Variants in NDEL1 observed in about 807,000 individuals in gnomAD.
The protein encoded by NDEL1 is nudE neurodevelopment protein 1 like 1.
Under a neutral mutation model 45.7 loss-of-function variants are expected in NDEL1, and 9 were observed. The ratio of observed to expected loss-of-function variants is 0.20; its 90% CI spans 0.12 to 0.34. The LOEUF is 0.34. NDEL1 is among the 10% of genes least tolerant of loss of function. The pLI is 1.00. For synonymous variants in NDEL1, 133 were observed against 158.6 expected (o/e 0.84, Z 1.21); for missense variants, 306 against 406.2 (o/e 0.75, Z 2.12).
chr17:8,471,612 A>G (rs1352771530), downstream of NDEL1, among the ~76,000 whole-genome samples: 1 of 152,184 alleles, frequency 6.6e-6, no homozygotes, highest in African/African-American at 2.4e-5. Context: ...TGGGCTGCTT[A>G]GTCTCAGTAG....
intron 7 of NDEL1, 21 bp downstream of exon 7, chr17:8,454,908 A>T (rs1344398992): frequency 6.4e-7 from 1 of 1,563,914 alleles, no homozygotes; most frequent in Admixed American, 1.7e-5. Context: ...ATTATTTATC[A>T]CTAGGTGTTT....
At chr17:8,443,355 C>G (rs1383247157) in intron 1 of NDEL1, among the ~76,000 whole-genome samples, 2 of 152,134 alleles carry the variant, frequency 1.3e-5, no homozygotes, top group African/African-American at 4.8e-5. Flanking sequence ...GCAAGAAAAC[C>G]TCTCTGGAAA....
At chr17:8,455,054 T>C (rs1910741494) in intron 7 of NDEL1, among the ~76,000 whole-genome samples, 167 bp downstream of exon 7, 1 of 152,210 alleles carries the variant, frequency 6.6e-6, no homozygotes. Context: ...TGACACTTCA[T>C]GATGCCCCTG....
At position 8,467,032 on chromosome 17, in the gene NDEL1, C is replaced by T. The variant is rs752345403; in HGVS notation, c.*9C>T. On this transcript the variant is annotated 3_prime_UTR_variant, in exon 9 of 9. Transcript: ENST00000334527. This position sits in a 1 kb window ranked among gnomAD's most constrained non-coding sequence, Gnocchi z 6.3. ...TGCCTCTCAGTGTGTGAGTGCCTAG[C>T]CTCCAGGTGGGGGCTCCTGCCCTCC... is the stretch of plus-strand genomic sequence containing the variant. The T allele has an allele frequency of 5.9e-5, 95 of 1,613,674 alleles. 3 individuals are homozygous for T. The South Asian group carries it at 6.4e-4, about 11-fold the overall frequency.
Position 8,421,881 on chromosome 17 carries a change from G to A in NDEL1, c.-13+8612G>A, listed in dbSNP as rs145156220. 7.7e-3 allele frequency among the ~76,000 whole-genome samples: 1,180 copies of A among 152,276 alleles called. 10 individuals carry two copies. Among genetic ancestry groups the A allele is most frequent in the Middle Eastern group, 0.014 (4 of 294 alleles). ...GAGAGGAAGGGCTCTCTGCTCCACC[G>A]GGATGGTGCTTGGCTAGATGTCAGG... On this transcript the variant is annotated intron_variant, in intron 1 of 4. Transcript: ENST00000582812.
At chr17:8,453,307 A>T (rs560668189) in intron 6 of NDEL1, among the ~76,000 whole-genome samples, 1 of 152,346 alleles carries the variant, frequency 6.6e-6, no homozygotes, top group East Asian at 1.9e-4. Flanking sequence ...CAAAAAAGCC[A>T]CACAAGTATT....
intron 5 of NDEL1, among the ~76,000 whole-genome samples, chr17:8,449,159 T>A (rs1910293309): frequency 6.6e-6 from 1 of 152,208 alleles, no homozygotes; most frequent in Non-Finnish European, 1.5e-5. Flanking sequence ...ATTTTTGTAT[T>A]TTTAGTAGAG....
chr17:8,454,260 AT>A (rs58319919), intron 6 of NDEL1, among the ~76,000 whole-genome samples: 60,917 of 151,918 alleles, frequency 0.4, 12,220 homozygotes, highest in South Asian at 0.45. Flanking sequence ...TTACAAATTG[AT>A]TACAGGAAAG....
intron 1 of NDEL1, among the ~76,000 whole-genome samples, chr17:8,428,880 A>C (rs370658406): frequency 1.3e-4 from 19 of 149,474 alleles, no homozygotes; most frequent in South Asian, 1.1e-3. Flanking sequence ...TCACCGTGTT[A>C]GCCAAGATGG....
intron 4 of NDEL1, among the ~76,000 whole-genome samples, chr17:8,447,928 T>C (rs1352708646): frequency 7.4e-6 from 1 of 134,552 alleles, no homozygotes; most frequent in Non-Finnish European, 1.5e-5. Context: ...GTGGGCAAGC[T>C]GCTGCTCCAG....
chr17:8,446,720 A>G (rs1422104396), intron 3 of NDEL1, 34 bp from the exon 4 acceptor site: 1 of 1,609,772 alleles, frequency 6.2e-7, no homozygotes, highest in Admixed American at 1.7e-5. Context: ...ACTGTATATT[A>G]ATGACATGTA....
chr17:8,472,259 G>A (rs1911857501), downstream of NDEL1, among the ~76,000 whole-genome samples: 1 of 152,162 alleles, frequency 6.6e-6, no homozygotes, highest in African/African-American at 2.4e-5. Context: ...CATCTTAGCT[G>A]AGGTTTCCTG....
chr17:8,472,115 C>G (rs922392832), downstream of NDEL1, among the ~76,000 whole-genome samples: 1 of 152,142 alleles, frequency 6.6e-6, no homozygotes, highest in Non-Finnish European at 1.5e-5. Flanking sequence ...ACAGTGAGCT[C>G]TCTTCTCCAG....
chr17:8,470,101 T>A (rs114379521), downstream of NDEL1, among the ~76,000 whole-genome samples: 964 of 152,022 alleles, frequency 6.3e-3, 7 homozygotes, highest in African/African-American at 0.022. This position sits in a 1 kb window ranked among gnomAD's most constrained non-coding sequence, Gnocchi z 4.2. Flanking sequence ...CCGCTTTCTG[T>A]TTGGACTGTG....
chr17:8,414,879 G>A (rs1191048119), intron 1 of NDEL1, among the ~76,000 whole-genome samples: 2 of 151,874 alleles, frequency 1.3e-5, no homozygotes, highest in Non-Finnish European at 2.9e-5. Flanking sequence ...AAAATTCCTG[G>A]CAATATGATC....
At chr17:8,464,216 G>A (rs886157243) in intron 8 of NDEL1, 1 of 152,084 alleles carries the variant, frequency 6.6e-6, no homozygotes, top group Non-Finnish European at 1.5e-5. Context: ...CTAGTCTGTG[G>A]TGGTAAGATC....
intron 4 of NDEL1, among the ~76,000 whole-genome samples, chr17:8,447,589 AT>A (rs1910165939): frequency 1.3e-5 from 2 of 152,046 alleles, no homozygotes; most frequent in Admixed American, 6.6e-5. Flanking sequence ...ATATCTTTAT[AT>A]TTCTGTTCCT....
chr17:8,453,182 G>T (rs1450968748), intron 6 of NDEL1, among the ~76,000 whole-genome samples: 1 of 152,140 alleles, frequency 6.6e-6, no homozygotes, highest in South Asian at 2.1e-4. Context: ...TTTATATCAC[G>T]TTGAGCGCCT....
intron 3 of NDEL1, among the ~76,000 whole-genome samples, chr17:8,473,609 T>C (rs1911974515): frequency 6.6e-6 from 1 of 152,178 alleles, no homozygotes; most frequent in Non-Finnish European, 1.5e-5. Flanking sequence ...TCCTCTCCTA[T>C]GGTAGTGGCA....
Sources: allele counts gnomAD v4.1 joint callset (sites outside exome capture counted in the v4.1 genomes callset), GRCh38; gene constraint gnomAD v4.1.1; non-coding constraint Gnocchi (gnomAD v3.1); transcripts MANE v1.5; gene names NCBI Gene and HGNC (gene_info 2026-07-23, HGNC 2026-07-21).